Variants in MDGA2 observed in about 807,000 individuals in gnomAD.
MDGA2 encodes the protein MAM domain-containing glycosylphosphatidylinositol anchor protein 2.
Under a neutral mutation model 117.8 loss-of-function variants are expected in MDGA2, and 40 were observed. The observed-to-expected ratio is 0.34, with a 90% CI of 0.26 to 0.44. The LOEUF (loss-of-function observed/expected upper bound fraction) is 0.44. Ranked by LOEUF, MDGA2 falls within the 20% of genes least tolerant of loss-of-function variation. MDGA2 has a pLI of 1.00. For synonymous variants in MDGA2, 452 were observed against 439.0 expected (o/e 1.03, Z -0.37); for missense variants, 1,123 against 1,250.6 (o/e 0.90, Z 1.54).
intron 2 of MDGA2, among the ~76,000 whole-genome samples, chr14:47,241,781 A>G (rs1285453751): frequency 6.6e-6 from 1 of 151,940 alleles, no homozygotes; most frequent in African/African-American, 2.4e-5. Context: ...GTAAAAAAAA[A>G]TGTTTAACAT....
At chr14:47,466,975 A>C (rs971489461) in intron 1 of MDGA2, among the ~76,000 whole-genome samples, 1 of 152,118 alleles carries the variant, frequency 6.6e-6, no homozygotes, top group Non-Finnish European at 1.5e-5. Flanking sequence ...TTCTAGAAAA[A>C]ACAAGGCCAA....
At chr14:47,089,374 CTTTTT>C (rs1197238924) in intron 6 of MDGA2, among the ~76,000 whole-genome samples, 1 of 151,880 alleles carries the variant, frequency 6.6e-6, no homozygotes, top group Non-Finnish European at 1.5e-5. Context: ...TTTTAGGTTT[CTTTTT>C]TGTTTGTTTG....
intron 14 of MDGA2, among the ~76,000 whole-genome samples, chr14:46,869,337 T>A (rs1004471845): frequency 2.0e-5 from 3 of 148,646 alleles, no homozygotes; most frequent in Admixed American, 6.7e-5. Flanking sequence ...TATCTAGTGA[T>A]CTCCTATGAG....
intron 5 of MDGA2, among the ~76,000 whole-genome samples, chr14:47,101,637 A>G (rs1370887542): frequency 6.6e-6 from 1 of 152,206 alleles, no homozygotes; most frequent in Non-Finnish European, 1.5e-5. Context: ...GAGACCAGCT[A>G]GCACTGAAAA....
chr14:47,172,913 C>A (rs933848340), intron 3 of MDGA2, among the ~76,000 whole-genome samples: 8 of 151,984 alleles, frequency 5.3e-5, no homozygotes, highest in South Asian at 2.1e-4. Context: ...AAAATTTAGA[C>A]GAATGGATAA....
intron 1 of MDGA2, among the ~76,000 whole-genome samples, chr14:47,456,819 C>T: frequency 6.6e-6 from 1 of 151,938 alleles, no homozygotes; most frequent in East Asian, 1.9e-4. Flanking sequence ...AATATAGTGA[C>T]TCTGTGTGAA....
intron 9 of MDGA2, among the ~76,000 whole-genome samples, chr14:46,926,470 T>G (rs998203625): frequency 6.6e-6 from 1 of 151,326 alleles, no homozygotes; most frequent in African/African-American, 2.4e-5. Flanking sequence ...CTCTAGAAGC[T>G]AATACATATA....
rs1387514542 is a variant in MDGA2 at position 47,496,756 on chromosome 14, TC to T, written c.280+177760del. On this transcript the variant is annotated intron_variant, in intron 1 of 16. Coordinates refer to ENST00000399232, the MANE Select transcript of MDGA2 (RefSeq NM_001113498.3). ...ATAATATGTATAATATGCTCAGTAA[TC>T]TATACATTTTACTATAATATATATA... Among the ~76,000 whole-genome samples, 3 of 150,206 alleles carry T rather than the reference TC, an allele frequency of 2.0e-5. No individual in the cohort carries two copies. In the Admixed American group the frequency reaches 2.0e-4, roughly 10 times the overall value.
chr14:47,657,937 A>G (rs1897774275), intron 1 of MDGA2, among the ~76,000 whole-genome samples: 1 of 152,196 alleles, frequency 6.6e-6, no homozygotes, highest in Non-Finnish European at 1.5e-5. Flanking sequence ...CATAAGTCCA[A>G]GAACCAAGAG....
intron 10 of MDGA2, among the ~76,000 whole-genome samples, chr14:46,898,157 G>T (rs1262888740): frequency 1.3e-5 from 2 of 151,898 alleles, no homozygotes; most frequent in Admixed American, 1.3e-4. Context: ...AATATATAAA[G>T]GGTCTGTATA....
chr14:47,244,299 C>T (rs1207342171), intron 2 of MDGA2, among the ~76,000 whole-genome samples: 2 of 151,666 alleles, frequency 1.3e-5, no homozygotes, highest in African/African-American at 2.4e-5. Flanking sequence ...TCTATTTGCC[C>T]TAAAGCAATG....
Position 47,395,192 on chromosome 14 carries a change from T to C in MDGA2, c.281-93642A>G, listed in dbSNP as rs917899283. Among the ~76,000 whole-genome samples, 6 of 101,008 alleles carry C rather than the reference T, an allele frequency of 5.9e-5. No individual in the cohort carries two copies. In the Admixed American group the frequency reaches 6.1e-4, roughly 10 times the overall value. 66.3% of individuals were successfully genotyped at this position (101,008 alleles called of 152,430 possible). ...AACAAAAAAACTATTTCTGATACGC[T>C]TAGATTTTCAAATATTGCAACATAA... is the stretch of plus-strand genomic sequence containing the variant. On this transcript the variant is annotated intron_variant, in intron 1 of 16. Transcript: ENST00000399232.
intron 7 of MDGA2, among the ~76,000 whole-genome samples, chr14:47,051,276 T>C (rs1889448456): frequency 6.6e-6 from 1 of 151,846 alleles, no homozygotes; most frequent in Non-Finnish European, 1.5e-5. Context: ...TTTAAATCCG[T>C]GCTAATAATT....
intron 10 of MDGA2, among the ~76,000 whole-genome samples, chr14:46,913,757 G>C (rs1425137886): frequency 3.3e-5 from 5 of 152,148 alleles, no homozygotes; most frequent in Non-Finnish European, 5.9e-5. Flanking sequence ...CTACCTGGCA[G>C]TACTAACTGC....
intron 7 of MDGA2, among the ~76,000 whole-genome samples, chr14:47,057,799 G>A (rs1187271006): frequency 1.3e-5 from 2 of 151,732 alleles, no homozygotes; most frequent in Admixed American, 1.3e-4. Context: ...CTGTCAACCA[G>A]GTTGAAGTGA....
intron 1 of MDGA2, among the ~76,000 whole-genome samples, chr14:47,441,241 C>A (rs73258171): frequency 0.031 from 4,772 of 152,050 alleles, 252 homozygotes; most frequent in African/African-American, 0.11. Context: ...ATAACAAGGG[C>A]AGCTGGTCAC....
At chr14:46,873,645 ATT>A in intron 13 of MDGA2, 54 bp from the exon 14 acceptor site, 1 of 1,474,174 alleles carries the variant, frequency 6.8e-7, no homozygotes, top group Non-Finnish European at 9.2e-7. Flanking sequence ...GCATAATGAA[ATT>A]TCAAATCACT....
intron 2 of MDGA2, among the ~76,000 whole-genome samples, chr14:47,249,296 C>T (rs757052606): frequency 6.6e-6 from 1 of 152,128 alleles, no homozygotes; most frequent in African/African-American, 2.4e-5. Context: ...AGATTACAGG[C>T]ATGAGTCACC....
chr14:47,198,358 G>A (rs912481902), intron 3 of MDGA2, among the ~76,000 whole-genome samples: 3 of 152,142 alleles, frequency 2.0e-5, no homozygotes, highest in African/African-American at 7.2e-5. Flanking sequence ...AGATCACGAG[G>A]TCAGGAGATC....
Sources: allele counts gnomAD v4.1 joint callset (sites outside exome capture counted in the v4.1 genomes callset), GRCh38; gene constraint gnomAD v4.1.1; transcripts MANE v1.5; gene names NCBI Gene and HGNC (gene_info 2026-07-23, HGNC 2026-07-21).